The following CPE variants were observed in gnomAD, a reference collection of about 807,000 sequenced individuals.
CPE encodes the protein carbocypeptidase E.
A neutral mutation model predicts 53.5 loss-of-function variants in CPE; 17 were observed. That is an observed-to-expected ratio of 0.32 (90% CI 0.22 to 0.48). The LOEUF is 0.48. CPE is among the 20% of genes least tolerant of loss of function. The pLI is 0.99. For synonymous variants in CPE, 226 were observed against 228.8 expected (o/e 0.99, Z 0.11); for missense variants, 524 against 614.7 (o/e 0.85, Z 1.56).
At chr4:165,457,393 G>C (rs1010817338) in intron 1 of CPE, among the ~76,000 whole-genome samples, 1 of 152,156 alleles carries the variant, frequency 6.6e-6, no homozygotes, top group Non-Finnish European at 1.5e-5. Context: ...TTTTGTGAAG[G>C]CATCAAATAC....
chr4:165,387,820 C>T (rs967290001), intron 1 of CPE, among the ~76,000 whole-genome samples: 3 of 152,114 alleles, frequency 2.0e-5, no homozygotes, highest in Non-Finnish European at 4.4e-5. Flanking sequence ...AAAAAGACCT[C>T]CATGTTGGTC....
chr4:165,493,591 A>C (rs539549033), intron 7 of CPE, among the ~76,000 whole-genome samples: 1 of 152,296 alleles, frequency 6.6e-6, no homozygotes, highest in East Asian at 1.9e-4. Flanking sequence ...GAGCTGCTGG[A>C]GTTAAAATAC....
chr4:165,464,387 TAGGTG>T lies in CPE; in HGVS notation c.308_312del (p.Gly103AlafsTer2), dbSNP rs765941290. 2.5e-6 allele frequency: 4 copies of T among 1,599,154 alleles called. No individual in the cohort carries two copies. On this transcript the variant is annotated splice_acceptor_variant and coding_sequence_variant, in exon 2 of 9. Coordinates refer to ENST00000402744, the MANE Select transcript of CPE (RefSeq NM_001873.4). LOFTEE classifies it high-confidence loss of function. The stretch of plus-strand genomic sequence containing the variant: ...ATCTCCATGCTATCTATTAATCTTT[TAGGTG>T]AGCCTGAATTTAAATACATTGGGAA...
intron 6 of CPE, among the ~76,000 whole-genome samples, chr4:165,492,138 T>C (rs1018644353): frequency 2.6e-5 from 4 of 152,232 alleles, no homozygotes; most frequent in African/African-American, 9.6e-5. Flanking sequence ...TAATAGCCAG[T>C]TGATGACTAC....
rs867573803 is a variant in CPE at position 165,450,396 on chromosome 4, A to G, written c.308-13994A>G. On this transcript the variant is annotated intron_variant, in intron 1 of 8. Transcript: ENST00000402744. ...CCTATCTCAGTCCCTGAAGAAATAAATAAAAAAGAGTAGCAGAAGATGGAT... is the reference window on the plus strand; with the variant it reads ...CCTATCTCAGTCCCTGAAGAAATAAGTAAAAAAGAGTAGCAGAAGATGGAT... Among the ~76,000 whole-genome samples the G allele has an allele frequency of 3.9e-5, 6 of 152,330 alleles. No homozygotes were observed. In the Middle Eastern group the frequency reaches 0.01, roughly 259 times the overall value.
intron 1 of CPE, among the ~76,000 whole-genome samples, chr4:165,390,062 A>G (rs150666534): frequency 0.013 from 1,924 of 152,316 alleles, 13 homozygotes; most frequent in South Asian, 0.023. Context: ...AACCATTGAC[A>G]TGCATGCAAG....
At chr4:165,429,463 GA>G (rs1426051979) in intron 1 of CPE, among the ~76,000 whole-genome samples, 2 of 152,130 alleles carry the variant, frequency 1.3e-5, no homozygotes, top group African/African-American at 4.8e-5. Flanking sequence ...AGCACTTTGG[GA>G]GGCCAACACG....
Position 165,464,395 on chromosome 4 carries a change from C to A in CPE, c.313C>A (p.Pro105Thr). Residue 105 changes from proline (P) to threonine (T), a missense_variant, in exon 2 of 9, where the codon CCT becomes ACT. By Grantham distance (38) the Pro-to-Thr change is conservative (BLOSUM62 -1). Transcript: ENST00000402744. Reference sequence around the variant, plus strand: ...GCTATCTATTAATCTTTTAGGTGAGCCTGAATTTAAATACATTGGGAATAT... The same window carrying A: ...GCTATCTATTAATCTTTTAGGTGAGACTGAATTTAAATACATTGGGAATAT... ...DNPGVHEPGE[P>T]EFKYIGNMHG... is the part of the protein sequence containing the mutation. 1 of 1,599,998 alleles carries A rather than the reference C, an allele frequency of 6.3e-7. No homozygotes were observed. Among genetic ancestry groups the A allele is most frequent in the Non-Finnish European group, 8.5e-7 (1 of 1,172,684 alleles).
chr4:165,423,463 A>G (rs1406151668), intron 1 of CPE, among the ~76,000 whole-genome samples: 1 of 151,826 alleles, frequency 6.6e-6, no homozygotes, highest in Non-Finnish European at 1.5e-5. Context: ...AATGTGATCT[A>G]TAGTCTTTCT....
At chr4:165,481,931 T>C (rs1035226435) in intron 3 of CPE, among the ~76,000 whole-genome samples, 3 of 152,222 alleles carry the variant, frequency 2.0e-5, no homozygotes, top group Non-Finnish European at 2.9e-5. Context: ...CAGACAGCGA[T>C]GTCCCAAAAT....
intron 1 of CPE, among the ~76,000 whole-genome samples, chr4:165,452,124 G>C (rs1170209131): frequency 6.6e-6 from 1 of 152,032 alleles, no homozygotes; most frequent in African/African-American, 2.4e-5. Context: ...AGAAGGAGAG[G>C]GCAGAATGAT....
At position 165,467,728 on chromosome 4, in the gene CPE, C is replaced by T; in HGVS notation, c.545C>T (p.Ala182Val). Residue 182 changes from alanine to valine, a missense_variant, in exon 3 of 9, where the codon GCC becomes GTC. Coordinates refer to ENST00000402744, the MANE Select transcript of CPE (RefSeq NM_001873.4). ...GACTGGTTTGTGGGTCGAAGCAATG[C>T]CCAGGGAATAGATCTGAACCGGAAC... ...LKDWFVGRSN[A>V]QGIDLNRNFP... 3 of 1,611,838 alleles carry T rather than the reference C, an allele frequency of 1.9e-6. No homozygotes were observed.
intron 1 of CPE, among the ~76,000 whole-genome samples, chr4:165,459,849 G>T (rs1196810432): frequency 1.3e-5 from 2 of 150,830 alleles, no homozygotes. Flanking sequence ...CTAGGAGGCG[G>T]GACTGCAGTG....
intron 1 of CPE, among the ~76,000 whole-genome samples, chr4:165,383,324 T>A (rs1730533657): frequency 6.6e-6 from 1 of 152,204 alleles, no homozygotes; most frequent in Non-Finnish European, 1.5e-5. Context: ...AGGACTCACG[T>A]ATTCAAACCC....
At chr4:165,446,403 G>T (rs920729454) in intron 1 of CPE, among the ~76,000 whole-genome samples, 41 of 152,158 alleles carry the variant, frequency 2.7e-4, no homozygotes, top group Non-Finnish European at 5.6e-4. Flanking sequence ...CATAAGATTT[G>T]GCAAGATACA....
At chr4:165,495,959 G>A (rs754989196) in intron 8 of CPE, among the ~76,000 whole-genome samples, 1 of 151,962 alleles carries the variant, frequency 6.6e-6, no homozygotes, top group Non-Finnish European at 1.5e-5. Context: ...ATGGGATTAT[G>A]TTTCATTTGC....
intron 1 of CPE, among the ~76,000 whole-genome samples, chr4:165,415,702 TCA>T (rs1220415980): frequency 6.6e-6 from 1 of 152,076 alleles, no homozygotes; most frequent in Admixed American, 6.6e-5. Context: ...GTTATATTTG[TCA>T]CAAATATAGC....
At chr4:165,397,848 C>T (rs979890911) in intron 1 of CPE, among the ~76,000 whole-genome samples, 4 of 150,692 alleles carry the variant, frequency 2.7e-5, no homozygotes, top group African/African-American at 9.8e-5. Context: ...TGAGACCAGT[C>T]TGGGTGACAT....
At chr4:165,486,149 G>A (rs1732501670) in intron 5 of CPE, among the ~76,000 whole-genome samples, 1 of 152,002 alleles carries the variant, frequency 6.6e-6, no homozygotes, top group Non-Finnish European at 1.5e-5. Flanking sequence ...ATAGCATGAT[G>A]TAACTCCCAA....
Sources: gnomAD v4.1 joint callset for allele counts (sites outside exome capture counted in the v4.1 genomes callset) on GRCh38, gnomAD v4.1.1 for gene constraint, MANE v1.5 for transcripts, NCBI Gene and HGNC (gene_info 2026-07-23, HGNC 2026-07-21) for gene names.